PDE4C: variants seen among roughly 807,000 people sequenced by gnomAD.
The protein encoded by PDE4C is 3',5'-cyclic-AMP phosphodiesterase 4C.
PDE4C carries 50 observed loss-of-function variants against 63.9 expected under a neutral mutation model. That is an observed-to-expected ratio of 0.78 (90% CI 0.62 to 0.99). The LOEUF is 0.99. PDE4C is among the 50% of genes least tolerant of loss of function. The pLI is 0.00. For synonymous variants in PDE4C, 377 were observed against 385.1 expected (o/e 0.98, Z 0.25); for missense variants, 777 against 899.1 (o/e 0.86, Z 1.74).
chr19:18,216,625 C>G, intron 12 of PDE4C, 116 bp downstream of exon 12: 1 of 1,025,388 alleles, frequency 9.8e-7, no homozygotes, highest in Non-Finnish European at 1.4e-6. Flanking sequence ...GAGGACATGC[C>G]TGGGTCTGGA....
chr19:18,212,965 C>T (rs943963391), intron 13 of PDE4C, among the ~76,000 whole-genome samples: 12 of 143,314 alleles, frequency 8.4e-5, no homozygotes, highest in Non-Finnish European at 1.4e-4. Flanking sequence ...GGATTATAGG[C>T]GTGAGCCACT....
chr19:18,250,304 T>A (rs1969216868), upstream of PDE4C: 1 of 398,976 alleles, frequency 2.5e-6, no homozygotes, highest in Non-Finnish European at 4.4e-6. Flanking sequence ...AGCCCAGCCC[T>A]ACCTTACCAT....
intron 1 of PDE4C, chr19:18,224,288 A>C (rs866178208): frequency 1.5e-4 from 151 of 985,292 alleles, no homozygotes; most frequent in Middle Eastern, 1.0e-3. Flanking sequence ...CAGGAAGACA[A>C]CCGGGACCGC....
chr19:18,233,113 T>C, exon 1 of PDE4C: 1 of 1,565,836 alleles, frequency 6.4e-7, no homozygotes, highest in Admixed American at 1.9e-5. Flanking sequence ...TTCGGGGCTC[T>C]GGTCATGCTG....
chr19:18,226,433 G>A, exon 1 of PDE4C: 3 of 1,379,668 alleles, frequency 2.2e-6, no homozygotes, highest in East Asian at 3.1e-5. Context: ...ACTGCGTGGA[G>A]GCTGGACCGA....
chr19:18,221,926 G>A (rs941479808), intron 2 of PDE4C, among the ~76,000 whole-genome samples: 8 of 152,180 alleles, frequency 5.3e-5, no homozygotes, highest in Non-Finnish European at 4.4e-5. Flanking sequence ...GTGCCCGGCC[G>A]ACCTTAATGT....
At chr19:18,251,108 A>T (rs950817206), upstream of PDE4C, among the ~76,000 whole-genome samples, 1 of 146,958 alleles carries the variant, frequency 6.8e-6, no homozygotes, top group African/African-American at 2.5e-5. Flanking sequence ...CAATTACTTT[A>T]TTTATTTTTG....
chr19:18,220,176 T>G lies in PDE4C; in HGVS notation c.706+50A>C, dbSNP rs776171625. ...TCTATCATAGGAATCTTTCTTTTGTTTCTTAGTACTCCTAAAATGTCGTCC... is the reference window on the plus strand; with the variant it reads ...TCTATCATAGGAATCTTTCTTTTGTGTCTTAGTACTCCTAAAATGTCGTCC... On this transcript the variant is annotated intron_variant, in intron 7 of 14. Transcript: ENST00000262805. This position sits in a 1 kb window ranked among gnomAD's most constrained non-coding sequence, Gnocchi z 5.1. The G allele has an allele frequency of 3.5e-6, 5 of 1,418,348 alleles. No homozygotes were observed. The highest frequency in any genetic ancestry group is 3.4e-5 in the Admixed American group (2 of 59,502). The allele number at this position is 1,418,348 out of a possible 1,614,324, so 87.9% of individuals were successfully genotyped here. A position where few individuals can be genotyped will look rare whatever the true frequency, so the allele number is the denominator to read the frequency against.
At chr19:18,211,830 G>C in exon 14 of PDE4C, 1 of 1,614,210 alleles carries the variant, frequency 6.2e-7, no homozygotes. Context: ...TCACGCTCGC[G>C]GTCTCCCTGC....
chr19:18,224,121 A>T, intron 1 of PDE4C: 7 of 821,580 alleles, frequency 8.5e-6, no homozygotes, highest in Non-Finnish European at 1.0e-5. Context: ...TCTCCACACT[A>T]CCTGTCCCGT....
chr19:18,232,689 C>T (rs1001881747), intron 1 of PDE4C, among the ~76,000 whole-genome samples: 2 of 138,982 alleles, frequency 1.4e-5, no homozygotes, highest in Non-Finnish European at 3.2e-5. Context: ...CAGTCTCACG[C>T]GCGCGCGCGC....
intron 1 of PDE4C, 89 bp from the exon 2 acceptor site, chr19:18,222,412 G>T: frequency 8.2e-7 from 1 of 1,217,152 alleles, no homozygotes; most frequent in Non-Finnish European, 1.2e-6. Context: ...TCCTCCCTGG[G>T]GCTGCTTGGC....
At chr19:18,211,693 G>A in intron 14 of PDE4C, 66 bp downstream of exon 14, 1 of 1,571,778 alleles carries the variant, frequency 6.4e-7, no homozygotes, top group Non-Finnish European at 8.7e-7. Flanking sequence ...GGGCTCGTGG[G>A]GTTGGCTCAG....
upstream of PDE4C, chr19:18,250,577 T>G (rs1969219410): frequency 2.5e-6 from 1 of 397,518 alleles, no homozygotes; most frequent in South Asian, 1.4e-4. Flanking sequence ...GAAGCTGACC[T>G]CTCTTCCCTC....
chr19:18,244,678 A>G (rs1254105981), intron 1 of PDE4C, among the ~76,000 whole-genome samples: 1 of 151,848 alleles, frequency 6.6e-6, no homozygotes, highest in East Asian at 1.9e-4. Context: ...ACACCCAGGT[A>G]ATTTTGTATT....
intron 1 of PDE4C, among the ~76,000 whole-genome samples, chr19:18,243,344 G>A (rs1425149487): frequency 2.0e-5 from 3 of 152,082 alleles, no homozygotes; most frequent in Non-Finnish European, 4.4e-5. Context: ...CTGACCTCAC[G>A]GGATCCACCC....
At chr19:18,216,818 G>T in exon 12 of PDE4C, 1 of 1,614,102 alleles carries the variant, frequency 6.2e-7, no homozygotes, top group Non-Finnish European at 8.5e-7. Context: ...TTCTCTGCCT[G>T]CAGCAGCTTG....
At chr19:18,226,596 T>A, upstream of PDE4C, 4 of 345,932 alleles carry the variant, frequency 1.2e-5, no homozygotes, top group Non-Finnish European at 5.1e-6. Context: ...CAGACGCAAC[T>A]CTCTGCTCCT....
chr19:18,248,466 A>C (rs1193374468), upstream of PDE4C, among the ~76,000 whole-genome samples: 1 of 149,028 alleles, frequency 6.7e-6, no homozygotes, highest in African/African-American at 2.5e-5. Context: ...GGGGGGAAGG[A>C]GGGAAGGGAG....
Sources: allele counts gnomAD v4.1 joint callset (sites outside exome capture counted in the v4.1 genomes callset), GRCh38; gene constraint gnomAD v4.1.1; non-coding constraint Gnocchi (gnomAD v3.1); transcripts MANE v1.5; gene names NCBI Gene and HGNC (gene_info 2026-07-23, HGNC 2026-07-21).